The following SETBP1 variants were observed in gnomAD, a reference collection of about 807,000 sequenced individuals.
SETBP1 encodes SET binding protein 1.
A neutral mutation model predicts 101.0 loss-of-function variants in SETBP1; 9 were observed. That is an observed-to-expected ratio of 0.09 (90% CI 0.05 to 0.16). The LOEUF (loss-of-function observed/expected upper bound fraction) is 0.16. Ranked by LOEUF, SETBP1 falls within the 10% of genes least tolerant of loss-of-function variation. The pLI, the probability that SETBP1 is intolerant of heterozygous loss-of-function variation, is 1.00. For synonymous variants in SETBP1, 818 were observed against 788.5 expected (o/e 1.04, Z -0.63); for missense variants, 1,858 against 2,033.8 (o/e 0.91, Z 1.66).
At chr18:45,002,635 G>A (rs994749407) in intron 4 of SETBP1, among the ~76,000 whole-genome samples, 1 of 152,176 alleles carries the variant, frequency 6.6e-6, no homozygotes, top group Non-Finnish European at 1.5e-5. Flanking sequence ...AGCACTGCCT[G>A]TTATTGCCTT....
chr18:45,008,363 A>T (rs572260318), intron 4 of SETBP1, among the ~76,000 whole-genome samples: 2 of 152,210 alleles, frequency 1.3e-5, no homozygotes, highest in African/African-American at 4.8e-5. Context: ...TCCATCATGA[A>T]TCTGACAGAA....
chr18:44,777,402 A>AT (rs2071027164), intron 2 of SETBP1, among the ~76,000 whole-genome samples: 1 of 152,212 alleles, frequency 6.6e-6, no homozygotes, highest in Non-Finnish European at 1.5e-5. Flanking sequence ...AGCACTTAGT[A>AT]ATCTCTCCAT....
chr18:45,053,273 C>G (rs1025635980), intron 5 of SETBP1, among the ~76,000 whole-genome samples: 7 of 152,130 alleles, frequency 4.6e-5, no homozygotes, highest in African/African-American at 1.7e-4. Context: ...ACTAAAATCT[C>G]AGATCAACTT....
intron 3 of SETBP1, among the ~76,000 whole-genome samples, chr18:44,931,767 C>CT (rs1342554736): frequency 1.3e-5 from 2 of 152,040 alleles, no homozygotes; most frequent in African/African-American, 2.4e-5. Flanking sequence ...GCAACCCCTG[C>CT]TTTTTTTTGT....
chr18:44,910,063 A>G lies in SETBP1; in HGVS notation c.541-39818A>G, dbSNP rs183869548. On this transcript the variant is annotated intron_variant, in intron 3 of 5. Coordinates refer to ENST00000649279, the MANE Select transcript of SETBP1 (RefSeq NM_015559.3). ...GAAGTCAGCACCTGAGTCCATAACT[A>G]TCGGATGGGTGTTTCTGAAGGCTGA... Among the ~76,000 whole-genome samples the G allele has an allele frequency of 1.5e-3, 229 of 152,296 alleles. 1 individual carries two copies. Among genetic ancestry groups the G allele is most frequent in the Non-Finnish European group, 2.8e-3 (188 of 68,030 alleles).
intron 5 of SETBP1, among the ~76,000 whole-genome samples, chr18:45,056,729 CTGTT>C (rs1310786920): frequency 6.6e-6 from 1 of 152,188 alleles, no homozygotes; most frequent in Admixed American, 6.5e-5. Flanking sequence ...GGGGCACTAA[CTGTT>C]TGGTGGCCTA....
chr18:44,765,629 A>G (rs1446070218), intron 2 of SETBP1, among the ~76,000 whole-genome samples: 2 of 152,196 alleles, frequency 1.3e-5, no homozygotes, highest in African/African-American at 2.4e-5. Flanking sequence ...TCATGCCCCA[A>G]TGACAGTAAC....
intron 4 of SETBP1, among the ~76,000 whole-genome samples, chr18:44,969,012 G>T (rs2071782087): frequency 6.6e-6 from 1 of 152,146 alleles, no homozygotes; most frequent in Admixed American, 6.5e-5. Context: ...AGGGGTGGGA[G>T]TTCACTCTGA....
At chr18:44,682,619 G>T (rs573255052) in intron 1 of SETBP1, among the ~76,000 whole-genome samples, 11 of 152,284 alleles carry the variant, frequency 7.2e-5, no homozygotes, top group African/African-American at 2.4e-4. Flanking sequence ...TAGTCTCATT[G>T]CCTGTTCCCA....
chr18:44,950,441 G>C lies in SETBP1; in HGVS notation c.1101G>C (p.Gly367=). ...AGAAAGCATTTGACAATACAGAAGG[G>C]AAAAGGGAAGGTTATTCCGCAGATA... ...NAQKAFDNTE[G]KREGYSADSA... is the part of the protein sequence containing the mutation. Residue 367 remains glycine, a synonymous_variant, in exon 4 of 6, where the codon GGG becomes GGC. Transcript: ENST00000649279. 2 of 1,614,144 alleles carry C rather than the reference G, an allele frequency of 1.2e-6. No individual in the cohort carries two copies. Among genetic ancestry groups the C allele is most frequent in the Non-Finnish European group, 1.7e-6 (2 of 1,180,044 alleles).
At chr18:44,827,040 G>T (rs2072254126) in intron 2 of SETBP1, among the ~76,000 whole-genome samples, 1 of 152,182 alleles carries the variant, frequency 6.6e-6, no homozygotes, top group African/African-American at 2.4e-5. Context: ...CCCCAGAAAT[G>T]CTTACTGAAG....
intron 2 of SETBP1, among the ~76,000 whole-genome samples, chr18:44,861,229 C>CTTTTTTT (rs775284488): frequency 1.7e-4 from 15 of 88,338 alleles, no homozygotes; most frequent in East Asian, 3.5e-4. Context: ...TTTTTCTTTT[C>CTTTTTTT]TTTTTTTTTT....
chr18:45,026,640 A>G (rs555929595), intron 4 of SETBP1, among the ~76,000 whole-genome samples: 66 of 152,226 alleles, frequency 4.3e-4, no homozygotes, highest in Non-Finnish European at 1.6e-4. Flanking sequence ...ACATGCACGC[A>G]TTGGTTTTTT....
intron 4 of SETBP1, among the ~76,000 whole-genome samples, chr18:44,975,454 GC>G (rs1224756741): frequency 1.3e-5 from 2 of 152,136 alleles, no homozygotes; most frequent in Non-Finnish European, 2.9e-5. Context: ...AGTGTAGTAA[GC>G]ATTGAATTAC....
intron 4 of SETBP1, among the ~76,000 whole-genome samples, chr18:44,990,147 G>C (rs1599417701): frequency 6.6e-6 from 1 of 152,048 alleles, no homozygotes; most frequent in Admixed American, 6.6e-5. Context: ...ACAAAACTGA[G>C]AGTATTTTCT....
Position 44,951,007 on chromosome 18 carries a change from T to C in SETBP1, c.1667T>C (p.Leu556Pro), listed in dbSNP as rs1473928541. The change falls in exon 4 of 6, where the codon CTG becomes CCG. Residue 556 changes from leucine to proline, a missense_variant. Physicochemically the swap from Leu to Pro is moderately conservative, Grantham distance 98. Transcript: ENST00000649279. The surrounding 1 kb of genome is among the most constrained non-coding windows in gnomAD (Gnocchi z 7.8). The part of the protein sequence containing the change: ...AVMATSDKLM[L>P]EPPSAYPITP... The stretch of plus-strand genomic sequence containing the variant: ...ATGGCCACCTCTGATAAACTGATGC[T>C]GGAGCCCCCGTCTGCATATCCCATC... 5 of 1,613,954 alleles carry C rather than the reference T, an allele frequency of 3.1e-6. No homozygotes were observed. The highest frequency in any genetic ancestry group is 3.3e-4 in the Middle Eastern group (2 of 6,084).
chr18:44,711,218 C>G (rs915943440), intron 2 of SETBP1, among the ~76,000 whole-genome samples: 169 of 150,186 alleles, frequency 1.1e-3, no homozygotes, highest in African/African-American at 4.0e-3. Flanking sequence ...CCCTCCATCC[C>G]TCGCCCATTC....
At chr18:45,031,640 G>A (rs955898658) in intron 4 of SETBP1, among the ~76,000 whole-genome samples, 1 of 152,174 alleles carries the variant, frequency 6.6e-6, no homozygotes, top group Non-Finnish European at 1.5e-5. Flanking sequence ...AAAGGTTTGA[G>A]CCTAGAATGA....
At chr18:44,813,440 C>T (rs1057115863) in intron 2 of SETBP1, among the ~76,000 whole-genome samples, 7 of 152,130 alleles carry the variant, frequency 4.6e-5, no homozygotes, top group Non-Finnish European at 8.8e-5. Context: ...AGCCATTGGC[C>T]TTGCAAGCTC....
Sources: allele counts gnomAD v4.1 joint callset (sites outside exome capture counted in the v4.1 genomes callset), GRCh38; gene constraint gnomAD v4.1.1; non-coding constraint Gnocchi (gnomAD v3.1); transcripts MANE v1.5; gene names NCBI Gene and HGNC (gene_info 2026-07-23, HGNC 2026-07-21).